KCNMA1: variants seen among roughly 807,000 people sequenced by gnomAD.
The protein encoded by KCNMA1 is Calcium-activated potassium channel subunit alpha-1.
KCNMA1 carries 29 observed loss-of-function variants against 140.0 expected under a neutral mutation model. The observed-to-expected ratio is 0.21, with a 90% CI of 0.15 to 0.28. KCNMA1 has a LOEUF of 0.28. Ranked by LOEUF, KCNMA1 falls within the 10% of genes least tolerant of loss-of-function variation. The probability of loss-of-function intolerance (pLI) is 1.00; values close to 1 mark genes in which losing one functional copy is unlikely to be tolerated. For missense variants in KCNMA1, 880 were observed against 1,602.2 expected (o/e 0.55, Z 7.70); for synonymous variants, 612 against 611.9 (o/e 1.00, Z 0.00).
intron 16 of KCNMA1, among the ~76,000 whole-genome samples, chr10:77,025,265 TATATATATATATATATAC>T (rs2093328983): frequency 8.6e-6 from 1 of 115,726 alleles, no homozygotes; most frequent in Non-Finnish European, 1.8e-5. Flanking sequence ...TATATATATA[TATATATATATATATATAC>T]ACACACACAT....
chr10:77,464,990 T>C (rs1019768838), intron 1 of KCNMA1, among the ~76,000 whole-genome samples: 1 of 152,114 alleles, frequency 6.6e-6, no homozygotes, highest in Admixed American at 6.6e-5. Context: ...ATAAATCAAC[T>C]TGGGTAGGTA....
chr10:77,545,591 A>G (rs1034827251), intron 1 of KCNMA1, among the ~76,000 whole-genome samples: 1 of 152,204 alleles, frequency 6.6e-6, no homozygotes, highest in Admixed American at 6.5e-5. Flanking sequence ...AGGAGCCACA[A>G]GGCAGTGGGG....
intron 2 of KCNMA1, among the ~76,000 whole-genome samples, chr10:77,270,047 C>T (rs2064567621): frequency 6.6e-6 from 1 of 152,202 alleles, no homozygotes; most frequent in African/African-American, 2.4e-5. Context: ...CTCAAGCAAG[C>T]ACAGCCCTCT....
chr10:77,599,522 C>G (rs189268251), intron 1 of KCNMA1, among the ~76,000 whole-genome samples: 44 of 152,278 alleles, frequency 2.9e-4, no homozygotes, highest in Non-Finnish European at 6.0e-4. Flanking sequence ...AGTGGGCGTT[C>G]TTGTCTTCTT....
intron 1 of KCNMA1, among the ~76,000 whole-genome samples, chr10:77,438,968 C>T (rs571423653): frequency 1.3e-5 from 2 of 151,890 alleles, no homozygotes; most frequent in African/African-American, 4.8e-5. Context: ...CCCAGCTACT[C>T]GGGAGGCTGA....
intron 3 of KCNMA1, among the ~76,000 whole-genome samples, chr10:77,247,519 A>T (rs954571255): frequency 7.2e-5 from 11 of 151,954 alleles, no homozygotes; most frequent in Non-Finnish European, 1.5e-4. Context: ...TTTCTAAAAA[A>T]TCTTTGCTTC....
At chr10:76,938,932 C>A (rs926203948) in intron 23 of KCNMA1, among the ~76,000 whole-genome samples, 1 of 152,056 alleles carries the variant, frequency 6.6e-6, no homozygotes, top group Non-Finnish European at 1.5e-5. Flanking sequence ...CAAATCCAAA[C>A]CCTTAGCAAG....
At chr10:77,460,725 C>G (rs1489665022) in intron 1 of KCNMA1, among the ~76,000 whole-genome samples, 1 of 152,124 alleles carries the variant, frequency 6.6e-6, no homozygotes, top group African/African-American at 2.4e-5. Context: ...TAAGTGGGAG[C>G]TAAACTGAGT....
At chr10:77,408,437 AGAGT>A (rs1199450509) in intron 1 of KCNMA1, among the ~76,000 whole-genome samples, 7 of 150,242 alleles carry the variant, frequency 4.7e-5, no homozygotes, top group African/African-American at 1.2e-4. Context: ...TGCACGTGTG[AGAGT>A]GTGTGCATGT....
intron 1 of KCNMA1, among the ~76,000 whole-genome samples, chr10:77,456,880 C>T (rs1303729270): frequency 6.6e-6 from 1 of 152,142 alleles, no homozygotes; most frequent in Admixed American, 6.5e-5. Flanking sequence ...CCAGTAGGAC[C>T]CTAGACCAAG....
chr10:77,477,440 C>T (rs1428778197), intron 1 of KCNMA1, among the ~76,000 whole-genome samples: 2 of 152,194 alleles, frequency 1.3e-5, no homozygotes, highest in African/African-American at 4.8e-5. Context: ...TATGCTGTGG[C>T]TCACAGGGGA....
chr10:77,243,144 T>C (rs1241290458), intron 3 of KCNMA1, among the ~76,000 whole-genome samples: 1 of 151,882 alleles, frequency 6.6e-6, no homozygotes, highest in Non-Finnish European at 1.5e-5. Context: ...AGAGTTCACA[T>C]CTCCTCCAGC....
chr10:77,341,470 C>A (rs769272587), intron 2 of KCNMA1, among the ~76,000 whole-genome samples: 1 of 152,194 alleles, frequency 6.6e-6, no homozygotes, highest in African/African-American at 2.4e-5. Context: ...CTCCCTCCTC[C>A]CTCATTCCCA....
chr10:77,491,456 C>T (rs1259713260), intron 1 of KCNMA1, among the ~76,000 whole-genome samples: 5 of 152,184 alleles, frequency 3.3e-5, no homozygotes, highest in Non-Finnish European at 7.3e-5. Context: ...TTACCTGGCA[C>T]ACCAAGGAAT....
intron 5 of KCNMA1, among the ~76,000 whole-genome samples, chr10:77,135,220 T>C (rs2097981044): frequency 6.6e-6 from 1 of 151,800 alleles, no homozygotes; most frequent in African/African-American, 2.4e-5. Flanking sequence ...GAAATGCAAA[T>C]AGCCAACAGT....
At chr10:77,272,131 GAA>G in intron 2 of KCNMA1, among the ~76,000 whole-genome samples, 1 of 152,238 alleles carries the variant, frequency 6.6e-6, no homozygotes, top group East Asian at 1.9e-4. Context: ...ATCATTCCCT[GAA>G]ATCACATTGT....
At chr10:77,452,387 AC>A (rs1172463601) in intron 1 of KCNMA1, among the ~76,000 whole-genome samples, 4 of 152,218 alleles carry the variant, frequency 2.6e-5, no homozygotes, top group Non-Finnish European at 4.4e-5. Context: ...TGGGGGGTTA[AC>A]TTTTGTGAAA....
chr10:77,451,832 C>G (rs1263744621), intron 1 of KCNMA1, among the ~76,000 whole-genome samples: 1 of 152,138 alleles, frequency 6.6e-6, no homozygotes, highest in Non-Finnish European at 1.5e-5. Flanking sequence ...AATTACAAAC[C>G]TGCAGGAAAC....
intron 1 of KCNMA1, among the ~76,000 whole-genome samples, chr10:77,526,187 C>T (rs2055562391): frequency 6.6e-6 from 1 of 152,154 alleles, no homozygotes; most frequent in African/African-American, 2.4e-5. Context: ...GGGCCCAGGG[C>T]CTCATCCACA....
Sources: allele counts gnomAD v4.1 joint callset (sites outside exome capture counted in the v4.1 genomes callset), GRCh38; gene constraint gnomAD v4.1.1; transcripts MANE v1.5; gene names NCBI Gene and HGNC (gene_info 2026-07-23, HGNC 2026-07-21).